Variants in TRAPPC8 observed in about 807,000 individuals in gnomAD.
TRAPPC8 encodes the protein general sporulation gene 1 homolog.
A neutral mutation model predicts 174.3 loss-of-function variants in TRAPPC8; 54 were observed. That is an observed-to-expected ratio of 0.31 (90% CI 0.25 to 0.39). The LOEUF (loss-of-function observed/expected upper bound fraction) is 0.39, where lower values mean the gene tolerates loss of function less well. Ranked by LOEUF, TRAPPC8 falls within the 10% of genes least tolerant of loss-of-function variation. The probability of loss-of-function intolerance (pLI) is 1.00; values close to 1 mark genes in which losing one functional copy is unlikely to be tolerated. For missense variants in TRAPPC8, 1,531 were observed against 1,699.1 expected, an observed-to-expected ratio of 0.90 and a Z score of 1.74; for synonymous variants, 630 against 579.9, an observed-to-expected ratio of 1.09 and a Z score of -1.24.
At chr18:31,893,319 A>G (rs941747838) in intron 11 of TRAPPC8, among the ~76,000 whole-genome samples, 1 of 152,114 alleles carries the variant, frequency 6.6e-6, no homozygotes, top group Non-Finnish European at 1.5e-5. Context: ...ATTACATCAA[A>G]CTAAGAAAGG....
At chr18:31,922,302 G>C in intron 2 of TRAPPC8, among the ~76,000 whole-genome samples, 1 of 152,128 alleles carries the variant, frequency 6.6e-6, no homozygotes, top group Non-Finnish European at 1.5e-5. Context: ...GTAGTAACTG[G>C]TAGCTTGTGG....
At chr18:31,839,903 TA>T (rs1431168191) in intron 26 of TRAPPC8, among the ~76,000 whole-genome samples, 1 of 152,226 alleles carries the variant, frequency 6.6e-6, no homozygotes, top group Non-Finnish European at 1.5e-5. Flanking sequence ...TAAAACTGTT[TA>T]ATATTTCATT....
chr18:31,875,638 G>A (rs1184769147), intron 12 of TRAPPC8, among the ~76,000 whole-genome samples: 2 of 152,184 alleles, frequency 1.3e-5, no homozygotes, highest in African/African-American at 4.8e-5. Context: ...GGTATTCAGT[G>A]CATTTACTGC....
chr18:31,867,408 T>C lies in TRAPPC8; in HGVS notation c.2457A>G (p.Ser819=), dbSNP rs1598632627. 6.2e-7 allele frequency: 1 copy of C among 1,605,170 alleles called. No individual in the cohort carries two copies. Among genetic ancestry groups the C allele is most frequent in the Non-Finnish European group, 8.5e-7 (1 of 1,172,790 alleles). Reference sequence around the variant, plus strand: ...GAAATGATAAAATAATTACCACTTTTGATTCTTCGCCATTAATTAAGAACT... The same window carrying C: ...GAAATGATAAAATAATTACCACTTTCGATTCTTCGCCATTAATTAAGAACT... The part of the protein sequence containing the change: ...ISEFLINGEE[S]KVARLKLFPH... Residue 819 remains serine, a synonymous_variant, in exon 17 of 29, where the codon TCA becomes TCG. Transcript: ENST00000283351.
intron 24 of TRAPPC8, among the ~76,000 whole-genome samples, chr18:31,851,770 A>G (rs2033716736): frequency 6.6e-6 from 1 of 152,066 alleles, no homozygotes. Context: ...GTCTCAGAAT[A>G]TGATATGATA....
chr18:31,943,115 C>G lies in TRAPPC8; in HGVS notation c.-351G>C. The G allele has an allele frequency of 2.5e-6, 1 of 401,932 alleles. No homozygotes were observed. The highest frequency in any genetic ancestry group is 1.2e-4 in the South Asian group (1 of 8,392). The allele number at this position is 401,932 out of a possible 1,614,324, so 24.9% of individuals were successfully genotyped here. A position where few individuals can be genotyped will look rare whatever the true frequency, so the allele number is the denominator to read the frequency against. On this transcript the variant is annotated 5_prime_UTR_variant, in exon 1 of 29. Coordinates refer to ENST00000283351, the MANE Select transcript of TRAPPC8 (RefSeq NM_014939.5). ...ATGTTGAGGCCGAACCCTGACCAAC[C>G]GGCAGTACTACTCCCAGCTGCCCCC...
chr18:31,926,286 A>T (rs186208119), intron 2 of TRAPPC8, among the ~76,000 whole-genome samples: 22 of 152,266 alleles, frequency 1.4e-4, no homozygotes, highest in Non-Finnish European at 2.4e-4. Flanking sequence ...TCCCCCAAGG[A>T]CCAATTTTTA....
intron 13 of TRAPPC8, 141 bp from the exon 14 acceptor site, chr18:31,873,679 A>C (rs1304751096): frequency 3.5e-6 from 2 of 566,726 alleles, no homozygotes; most frequent in Admixed American, 3.4e-5. Flanking sequence ...TTTATTTCTC[A>C]TATCAGTCAT....
At chr18:31,834,018 A>AAC (rs2032551223) in intron 27 of TRAPPC8, among the ~76,000 whole-genome samples, 2 of 151,268 alleles carry the variant, frequency 1.3e-5, no homozygotes, top group Non-Finnish European at 2.9e-5. Flanking sequence ...AAAAAACAAA[A>AAC]AACAGAAATT....
rs1227391638 is a variant in TRAPPC8 at position 31,913,380 on chromosome 18, T to C, written c.760A>G (p.Ile254Val). The change falls in exon 5 of 29, where the codon ATT becomes GTT. Residue 254 changes from isoleucine (I) to valine (V), a missense_variant. By Grantham distance (29) the Ile-to-Val change is conservative. Transcript: ENST00000283351. ...PWSQYLQKNS[I>V]QNQESYEDGP... is the part of the protein sequence containing the mutation. Reference sequence around the variant, plus strand: ...TTTTTTACATATACCTGGTTTTGAATACTATTTTTCTGGAGATACTGACTC... The same window carrying C: ...TTTTTTACATATACCTGGTTTTGAACACTATTTTTCTGGAGATACTGACTC... 4 of 1,577,178 alleles carry C rather than the reference T, an allele frequency of 2.5e-6. No individual in the cohort carries two copies. Among genetic ancestry groups the C allele is most frequent in the African/African-American group, 2.8e-5 (2 of 72,442 alleles).
intron 26 of TRAPPC8, among the ~76,000 whole-genome samples, chr18:31,839,733 A>C (rs1285998992): frequency 6.6e-6 from 1 of 152,172 alleles, no homozygotes; most frequent in African/African-American, 2.4e-5. Context: ...ATCTTGGATA[A>C]GTTACTTAAT....
rs2032295713 is a variant in TRAPPC8 at position 31,830,515 on chromosome 18, CT to C, written c.*239del. 1 of 484,318 alleles carries C rather than the reference CT, an allele frequency of 2.1e-6. No individual in the cohort carries two copies. Among genetic ancestry groups the C allele is most frequent in the Non-Finnish European group, 3.7e-6 (1 of 272,564 alleles). 30.0% of individuals were successfully genotyped at this position (484,318 alleles called of 1,614,324 possible). On this transcript the variant is annotated 3_prime_UTR_variant, in exon 29 of 29. Transcript: ENST00000283351. ...GGGCTTAATAAGGTGCACAAATATG[CT>C]GATATCCTGTATTATGAGCATGTAA...
At chr18:31,892,256 C>T (rs1435510296) in intron 11 of TRAPPC8, among the ~76,000 whole-genome samples, 3 of 152,238 alleles carry the variant, frequency 2.0e-5, no homozygotes, top group African/African-American at 7.2e-5. Context: ...CATGTCACCC[C>T]TCCTATATAT....
At chr18:31,865,316 T>C (rs973469156) in intron 18 of TRAPPC8, among the ~76,000 whole-genome samples, 2 of 152,102 alleles carry the variant, frequency 1.3e-5, no homozygotes, top group African/African-American at 4.8e-5. Flanking sequence ...ACTTGTTTAA[T>C]ATTCATGTGA....
intron 10 of TRAPPC8, among the ~76,000 whole-genome samples, chr18:31,899,049 A>G (rs1235583317): frequency 1.3e-5 from 2 of 152,210 alleles, no homozygotes; most frequent in African/African-American, 4.8e-5. Context: ...TAAACTTTCT[A>G]CAAATCACAC....
chr18:31,885,342 T>G (rs1276623014), intron 12 of TRAPPC8, among the ~76,000 whole-genome samples: 1 of 152,136 alleles, frequency 6.6e-6, no homozygotes, highest in Non-Finnish European at 1.5e-5. Flanking sequence ...CAAAAATAAT[T>G]GGACTGTAAC....
At chr18:31,858,631 G>T (rs944920746) in intron 19 of TRAPPC8, among the ~76,000 whole-genome samples, 2 of 152,156 alleles carry the variant, frequency 1.3e-5, no homozygotes, top group African/African-American at 4.8e-5. Context: ...AAGCAATGGG[G>T]TTTACATAAC....
At chr18:31,886,409 A>G (rs1182490790) in intron 12 of TRAPPC8, among the ~76,000 whole-genome samples, 2 of 152,040 alleles carry the variant, frequency 1.3e-5, no homozygotes, top group Non-Finnish European at 1.5e-5. Context: ...CACAGTATTA[A>G]AAACTGATAG....
intron 8 of TRAPPC8, 44 bp downstream of exon 8, chr18:31,908,259 A>G (rs775915935): frequency 8.3e-7 from 1 of 1,202,648 alleles, no homozygotes; most frequent in Non-Finnish European, 1.2e-6. Flanking sequence ...CACTAGTCAG[A>G]GAGTTAAACA....
Sources: gnomAD v4.1 joint callset for allele counts (sites outside exome capture counted in the v4.1 genomes callset) on GRCh38, gnomAD v4.1.1 for gene constraint, MANE v1.5 for transcripts, NCBI Gene and HGNC (gene_info 2026-07-23, HGNC 2026-07-21) for gene names.